C19orf44: variants seen among roughly 807,000 people sequenced by gnomAD.
The protein encoded by C19orf44 is uncharacterized protein C19orf44.
C19orf44 carries 43 observed loss-of-function variants against 50.7 expected under a neutral mutation model. The observed-to-expected ratio is 0.85, with a 90% CI of 0.66 to 1.09. The LOEUF (loss-of-function observed/expected upper bound fraction) is 1.09, where lower values mean the gene tolerates loss of function less well. Among genes scored for constraint, C19orf44 ranks in the 50% least tolerant of loss-of-function variants. The probability of loss-of-function intolerance (pLI) is 0.00; values close to 1 mark genes in which losing one functional copy is unlikely to be tolerated. For missense variants in C19orf44, 722 were observed against 836.2 expected, an observed-to-expected ratio of 0.86 and a Z score of 1.68; for synonymous variants, 298 against 334.7, an observed-to-expected ratio of 0.89 and a Z score of 1.20.
chr19:16,497,618 G>A (rs1174016066), intron 1 of C19orf44, among the ~76,000 whole-genome samples: 6 of 152,076 alleles, frequency 3.9e-5, no homozygotes, highest in Admixed American at 3.9e-4. Flanking sequence ...CAAAGTGCTG[G>A]GATTACAGGC....
At chr19:16,515,523 ATTTC>A (rs1206685664) in intron 7 of C19orf44, among the ~76,000 whole-genome samples, 6 of 151,918 alleles carry the variant, frequency 3.9e-5, no homozygotes, top group Admixed American at 3.3e-4. Flanking sequence ...TAGTATGCGT[ATTTC>A]TTTTTTTTAA....
chr19:16,514,399 A>AG, intron 6 of C19orf44, 98 bp from the exon 7 acceptor site: 1 of 1,200,330 alleles, frequency 8.3e-7, no homozygotes, highest in Non-Finnish European at 1.1e-6. Flanking sequence ...AAAAAAAAAA[A>AG]GATTTCAGAG....
intron 8 of C19orf44, chr19:16,518,939 C>T (rs1039420266): frequency 3.3e-5 from 19 of 570,404 alleles, no homozygotes; most frequent in Non-Finnish European, 5.5e-5. Flanking sequence ...GTGGCTGCAG[C>T]GCCTCCTGGT....
intron 1 of C19orf44, 27 bp from the exon 2 acceptor site, chr19:16,500,764 AT>A (rs1204518972): frequency 6.5e-7 from 1 of 1,538,532 alleles, no homozygotes; most frequent in South Asian, 1.3e-5. Context: ...AGGTACTCTT[AT>A]GCAAAATTGC....
rs2085607467 is a variant in C19orf44 at position 16,520,891 on chromosome 19, G to A, written c.*838G>A. ...TTTTTGCTCGGAAGAACTCATAGAG[G>A]CCGTTCTGCTCCCAGCCTTCACTGT... is the stretch of plus-strand genomic sequence containing the variant. On this transcript the variant is annotated 3_prime_UTR_variant, in exon 9 of 9. Coordinates refer to ENST00000221671, the MANE Select transcript of C19orf44 (RefSeq NM_032207.4). The surrounding 1 kb of genome is among the most constrained non-coding windows in gnomAD (Gnocchi z 4.0). The A allele has an allele frequency of 5.0e-6, 8 of 1,613,722 alleles. No homozygotes were observed. The highest frequency in any genetic ancestry group is 5.9e-6 in the Non-Finnish European group (7 of 1,180,036).
chr19:16,496,671 G>C (rs940450975), intron 1 of C19orf44: 55 of 158,716 alleles, frequency 3.5e-4, no homozygotes, highest in African/African-American at 1.3e-3. Context: ...GGTCTCAGGG[G>C]CGCCAGGGTT....
chr19:16,500,115 G>C (rs1316437259), intron 1 of C19orf44, among the ~76,000 whole-genome samples: 1 of 152,058 alleles, frequency 6.6e-6, no homozygotes, highest in Non-Finnish European at 1.5e-5. Flanking sequence ...TTTTAGTAGA[G>C]ATGGGGCTTT....
chr19:16,503,349 A>T lies in C19orf44; in HGVS notation c.1044A>T (p.Pro348=). 1 of 1,612,952 alleles carries T rather than the reference A, an allele frequency of 6.2e-7. No individual in the cohort carries two copies. Among genetic ancestry groups the T allele is most frequent in the Non-Finnish European group, 8.5e-7 (1 of 1,178,964 alleles). The part of the protein sequence containing the change: ...GRSEAETVDE[P]VSEGADDSLD... Reference sequence around the variant, plus strand: ...GTGAGGCTGAGACTGTGGACGAGCCAGTCTCAGAAGGTGCTGATGACAGCC... The same window carrying T: ...GTGAGGCTGAGACTGTGGACGAGCCTGTCTCAGAAGGTGCTGATGACAGCC... Residue 348 remains proline, a synonymous_variant, in exon 3 of 9, where the codon CCA becomes CCT. Transcript: ENST00000221671.
intron 1 of C19orf44, among the ~76,000 whole-genome samples, chr19:16,497,697 A>G (rs1008928957): frequency 3.3e-5 from 5 of 152,118 alleles, no homozygotes; most frequent in Non-Finnish European, 5.9e-5. Flanking sequence ...GCGTGCTGTT[A>G]TATTAGTATT....
At chr19:16,514,408 A>C in intron 6 of C19orf44, 89 bp from the exon 7 acceptor site, 2 of 1,278,796 alleles carry the variant, frequency 1.6e-6, no homozygotes, top group Non-Finnish European at 2.1e-6. Flanking sequence ...AAGATTTCAG[A>C]GAGCAGCCTG....
rs1293535239 is a variant in C19orf44, at chr19:16,520,919, G to A, written c.*866G>A. ...GTTCTGCTCCCAGCCTTCACTGTAA[G>A]ACACGGCATTCCGTGTGTGACCACG... On this transcript the variant is annotated 3_prime_UTR_variant, in exon 9 of 9. Coordinates refer to ENST00000221671, the MANE Select transcript of C19orf44 (RefSeq NM_032207.4). The surrounding 1 kb of genome is among the most constrained non-coding windows in gnomAD (Gnocchi z 4.0). The A allele has an allele frequency of 6.2e-7, 1 of 1,613,192 alleles. No homozygotes were observed.
chr19:16,513,001 G>C lies in C19orf44; in HGVS notation c.1640-13G>C, dbSNP rs2093461861. 6 of 1,610,642 alleles carry C rather than the reference G, an allele frequency of 3.7e-6. No individual in the cohort carries two copies. The highest frequency in any genetic ancestry group is 4.2e-6 in the Non-Finnish European group (5 of 1,179,612). On this transcript the variant is annotated splice_polypyrimidine_tract_variant and intron_variant, in intron 5 of 8. Transcript: ENST00000221671. ...GTCCTGCCTGCTTACCCCTCTCTTTGTCCCCGAGATAGTGGCCAGCATGGC... is the reference window on the plus strand; with the variant it reads ...GTCCTGCCTGCTTACCCCTCTCTTTCTCCCCGAGATAGTGGCCAGCATGGC...
Position 16,517,318 on chromosome 19 carries a change from C to T in C19orf44, c.*17C>T. 1.9e-6 allele frequency: 3 copies of T among 1,611,788 alleles called. No individual in the cohort carries two copies. Among genetic ancestry groups the T allele is most frequent in the Non-Finnish European group, 1.7e-6 (2 of 1,178,086 alleles). Reference sequence around the variant, plus strand: ...GAGCTGTGAGCGCCAGCAGGTGGAGCTTGACGTGACGTCTTAACAAAAGGT... The same window carrying T: ...GAGCTGTGAGCGCCAGCAGGTGGAGTTTGACGTGACGTCTTAACAAAAGGT... On this transcript the variant is annotated 3_prime_UTR_variant, in exon 8 of 9. Coordinates refer to ENST00000221671, the MANE Select transcript of C19orf44 (RefSeq NM_032207.4).
Position 16,520,867 on chromosome 19 carries a change from T to C in C19orf44, c.*814T>C, listed in dbSNP as rs1457227701. The C allele has an allele frequency of 6.2e-7, 1 of 1,613,862 alleles. No homozygotes were observed. The highest frequency in any genetic ancestry group is 8.5e-7 in the Non-Finnish European group (1 of 1,180,060). ...GGCCTTTCCTCCGCCGGGCCCGCATTTTTGCTCGGAAGAACTCATAGAGGC... is the reference window on the plus strand; with the variant it reads ...GGCCTTTCCTCCGCCGGGCCCGCATCTTTGCTCGGAAGAACTCATAGAGGC... On this transcript the variant is annotated 3_prime_UTR_variant, in exon 9 of 9. Coordinates refer to ENST00000221671, the MANE Select transcript of C19orf44 (RefSeq NM_032207.4). The surrounding 1 kb of genome is among the most constrained non-coding windows in gnomAD (Gnocchi z 4.0).
At chr19:16,508,185 A>T (rs1164503287) in intron 4 of C19orf44, among the ~76,000 whole-genome samples, 2 of 151,470 alleles carry the variant, frequency 1.3e-5, no homozygotes, top group Non-Finnish European at 2.9e-5. Context: ...GCTCACTGCA[A>T]CCTCCACCTC....
chr19:16,519,566 C>T lies in C19orf44; in HGVS notation c.*41-528C>T, dbSNP rs572490766. 3.5e-5 allele frequency: 52 copies of T among 1,493,728 alleles called. No homozygotes were observed. In the East Asian group the frequency reaches 6.8e-4, roughly 20 times the overall value. 92.5% of individuals were successfully genotyped at this position (1,493,728 alleles called of 1,614,324 possible). ...AGGAAGAGAAAGCGCTGGTGACTCCCGGGCCCAGCACGCGTGAGGACCCAT... is the reference window on the plus strand; with the variant it reads ...AGGAAGAGAAAGCGCTGGTGACTCCTGGGCCCAGCACGCGTGAGGACCCAT... On this transcript the variant is annotated intron_variant, in intron 8 of 8. Transcript: ENST00000221671. The surrounding 1 kb of genome is among the most constrained non-coding windows in gnomAD (Gnocchi z 6.0).
intron 8 of C19orf44, chr19:16,518,711 C>G (rs2085573254): frequency 5.7e-6 from 1 of 175,338 alleles, no homozygotes; most frequent in Non-Finnish European, 1.2e-5. Context: ...GAAGCCAGGT[C>G]AGGGCCGGTG....
chr19:16,518,920 G>C, intron 8 of C19orf44: 1 of 557,452 alleles, frequency 1.8e-6, no homozygotes, highest in Admixed American at 3.6e-5. Context: ...AAACGAGCCT[G>C]GGGCCCTGGT....
chr19:16,514,851 G>C (rs1261993767), intron 7 of C19orf44, among the ~76,000 whole-genome samples, 188 bp downstream of exon 7: 1 of 152,214 alleles, frequency 6.6e-6, no homozygotes, highest in Non-Finnish European at 1.5e-5. Context: ...GCAAAAGCTG[G>C]TACAGGGTGG....
Sources: gnomAD v4.1 joint callset for allele counts (sites outside exome capture counted in the v4.1 genomes callset) on GRCh38, gnomAD v4.1.1 for gene constraint, Gnocchi (gnomAD v3.1) non-coding constraint, MANE v1.5 for transcripts, NCBI Gene and HGNC (gene_info 2026-07-23, HGNC 2026-07-21) for gene names.